Variants in USP50 observed in about 807,000 individuals in gnomAD.
USP50 encodes ubiquitin carboxyl-terminal hydrolase 50.
USP50 carries 37 observed loss-of-function variants against 39.2 expected under a neutral mutation model. That is an observed-to-expected ratio of 0.94 (90% CI 0.73 to 1.24). The LOEUF is 1.24. Ranked by LOEUF, USP50 falls within the 50% of genes most tolerant of loss-of-function variation. The probability of loss-of-function intolerance (pLI) is 0.00; values close to 1 mark genes in which losing one functional copy is unlikely to be tolerated. For missense variants in USP50, 374 were observed against 398.2 expected (o/e 0.94, Z 0.52); for synonymous variants, 139 against 144.5 (o/e 0.96, Z 0.27).
intron 6 of USP50, among the ~76,000 whole-genome samples, chr15:50,517,704 A>G (rs567507575): frequency 2.4e-4 from 36 of 152,292 alleles, no homozygotes; most frequent in African/African-American, 8.2e-4. Context: ...CATGATATGC[A>G]GCAAAAGCAG....
intron 5 of USP50, among the ~76,000 whole-genome samples, chr15:50,535,329 A>C (rs916556340): frequency 6.6e-6 from 1 of 152,104 alleles, no homozygotes; most frequent in Non-Finnish European, 1.5e-5. Context: ...ACATCTGTAG[A>C]CTCTTTCACC....
intron 5 of USP50, 60 bp from the exon 6 acceptor site, chr15:50,529,989 CA>C: frequency 6.3e-7 from 1 of 1,592,474 alleles, no homozygotes; most frequent in Non-Finnish European, 8.6e-7. Flanking sequence ...CATTTGTCTA[CA>C]TGACAAATTC....
At chr15:50,536,866 T>C (rs2141375931) in intron 5 of USP50, among the ~76,000 whole-genome samples, 1 of 152,274 alleles carries the variant, frequency 6.6e-6, no homozygotes, top group South Asian at 2.1e-4. Flanking sequence ...AGATGTCAGT[T>C]CTTCCCAACT....
intron 1 of USP50, among the ~76,000 whole-genome samples, chr15:50,494,787 G>A (rs541910421): frequency 6.6e-6 from 1 of 152,300 alleles, no homozygotes; most frequent in Non-Finnish European, 1.5e-5. Context: ...GGCCAAGGCT[G>A]GTGGATCACC....
In USP50 at chr15:50,538,860, GA is replaced by G. The variant is rs772292665; in HGVS notation, c.661-10del. 5.1e-6 allele frequency: 8 copies of G among 1,583,246 alleles called. No homozygotes were observed. The highest frequency in any genetic ancestry group is 1.2e-5 in the South Asian group (1 of 85,360). On this transcript the variant is annotated splice_polypyrimidine_tract_variant and intron_variant, in intron 4 of 6. Transcript: ENST00000532404. ...AAACATTGGAGACAGTCCTGTTAAG[GA>G]AAAAAAGGATTTGGTGACCAAATTG...
At chr15:50,498,031 A>T (rs1019959498), downstream of USP50, among the ~76,000 whole-genome samples, 1 of 152,210 alleles carries the variant, frequency 6.6e-6, no homozygotes, top group South Asian at 2.1e-4. Flanking sequence ...AAGTATAAAC[A>T]TTCTATAAGT....
At chr15:50,546,322 A>G in intron 1 of USP50, 151 bp downstream of exon 1, 1 of 714,668 alleles carries the variant, frequency 1.4e-6, no homozygotes, top group East Asian at 2.7e-5. Context: ...TTGCCAAGAT[A>G]TTAGGTACAA....
chr15:50,498,908 C>T, downstream of USP50: 1 of 1,604,004 alleles, frequency 6.2e-7, no homozygotes, highest in Non-Finnish European at 8.5e-7. Flanking sequence ...CACAGAATCA[C>T]TACGGTGGGC....
At chr15:50,498,774 TAA>T, downstream of USP50, 1 of 1,567,194 alleles carries the variant, frequency 6.4e-7, no homozygotes, top group South Asian at 1.2e-5. Flanking sequence ...AAAGCAAGTT[TAA>T]AAAAAGTTTT....
downstream of USP50, chr15:50,498,957 G>T: frequency 6.2e-7 from 1 of 1,613,936 alleles, no homozygotes; most frequent in Non-Finnish European, 8.5e-7. Flanking sequence ...TAAAAATGCA[G>T]CAAGACAACG....
At chr15:50,514,859 G>T (rs2052787743) in intron 6 of USP50, among the ~76,000 whole-genome samples, 1 of 151,758 alleles carries the variant, frequency 6.6e-6, no homozygotes, top group Non-Finnish European at 1.5e-5. Flanking sequence ...AGCTGGGCAT[G>T]ATGGCACTTG....
At chr15:50,493,960 G>A (rs1595987289), downstream of USP50, 2 of 1,217,500 alleles carry the variant, frequency 1.6e-6, no homozygotes, top group East Asian at 2.4e-5. Context: ...GTAGTTTAAT[G>A]TAGTGCTACA....
At chr15:50,540,967 A>G in intron 4 of USP50, 82 bp downstream of exon 4, 1 of 1,085,898 alleles carries the variant, frequency 9.2e-7, no homozygotes, top group Non-Finnish European at 1.4e-6. Flanking sequence ...TCTCATACTA[A>G]ACAAATGTAG....
downstream of USP50, chr15:50,497,387 CTG>C (rs2052458299): frequency 1.2e-6 from 1 of 844,198 alleles, no homozygotes; most frequent in South Asian, 3.1e-5. Context: ...AGAAATGAGA[CTG>C]TTAGTTCACC....
At chr15:50,524,944 GA>G (rs1483510735) in intron 6 of USP50, among the ~76,000 whole-genome samples, 1 of 152,052 alleles carries the variant, frequency 6.6e-6, no homozygotes, top group East Asian at 1.9e-4. Context: ...ACGTCCAAAG[GA>G]ATGGAAATCA....
intron 3 of USP50, among the ~76,000 whole-genome samples, chr15:50,542,195 G>C (rs1226464548): frequency 6.6e-6 from 1 of 152,184 alleles, no homozygotes; most frequent in East Asian, 1.9e-4. Context: ...AAGAGCCTCA[G>C]TGGAATATAC....
chr15:50,498,407 CT>C, downstream of USP50: 2 of 665,630 alleles, frequency 3.0e-6, no homozygotes, highest in Non-Finnish European at 4.7e-6. Flanking sequence ...ATCCATATGC[CT>C]CAGTTTTCTT....
downstream of USP50, chr15:50,496,131 T>A: frequency 7.1e-7 from 1 of 1,415,818 alleles, no homozygotes; most frequent in East Asian, 2.3e-5. Context: ...ATAAAAATGC[T>A]GTTTTTATGG....
chr15:50,541,548 A>AT (rs202170763), intron 3 of USP50, among the ~76,000 whole-genome samples: 470 of 151,632 alleles, frequency 3.1e-3, no homozygotes, highest in Middle Eastern at 6.8e-3. Flanking sequence ...AAAATGACTG[A>AT]TTTTTTTTTC....
Sources: gnomAD v4.1 joint callset for allele counts (sites outside exome capture counted in the v4.1 genomes callset) on GRCh38, gnomAD v4.1.1 for gene constraint, MANE v1.5 for transcripts, NCBI Gene and HGNC (gene_info 2026-07-23, HGNC 2026-07-21) for gene names.